The following LRRTM4 variants were observed in gnomAD, a reference collection of about 807,000 sequenced individuals.
LRRTM4 encodes the protein leucine rich repeat transmembrane neuronal 4, also known as leucine-rich repeat transmembrane neuronal protein 4.
Under a neutral mutation model 47.6 loss-of-function variants are expected in LRRTM4, and 25 were observed. The ratio of observed to expected loss-of-function variants is 0.53; its 90% CI spans 0.38 to 0.73. LRRTM4 has a LOEUF of 0.73. Ranked by LOEUF, LRRTM4 falls within the 30% of genes least tolerant of loss-of-function variation. LRRTM4 has a pLI of 0.00. For synonymous variants in LRRTM4, 311 were observed against 269.5 expected (o/e 1.15, Z -1.51); for missense variants, 638 against 713.4 (o/e 0.89, Z 1.20).
intron 3 of LRRTM4, among the ~76,000 whole-genome samples, chr2:76,982,525 C>T (rs1423205881): frequency 6.6e-6 from 1 of 151,868 alleles, no homozygotes; most frequent in Non-Finnish European, 1.5e-5. Context: ...ATCATGCCTC[C>T]CTATCAGTGA....
At chr2:76,966,194 G>A (rs1419828499) in intron 3 of LRRTM4, among the ~76,000 whole-genome samples, 1 of 151,374 alleles carries the variant, frequency 6.6e-6, no homozygotes, top group Admixed American at 6.6e-5. Flanking sequence ...ACAATGAATT[G>A]CAAACAAAAA....
At chr2:76,803,322 A>C (rs1436086498) in intron 3 of LRRTM4, among the ~76,000 whole-genome samples, 1 of 152,154 alleles carries the variant, frequency 6.6e-6, no homozygotes, top group Non-Finnish European at 1.5e-5. Context: ...AAGACAAACA[A>C]ATAGCCAATT....
At chr2:77,425,086 C>T (rs1362238281) in intron 3 of LRRTM4, among the ~76,000 whole-genome samples, 2 of 152,148 alleles carry the variant, frequency 1.3e-5, no homozygotes, top group Admixed American at 1.3e-4. Context: ...ACTACACTCA[C>T]AGAGTGAGGA....
chr2:77,081,605 G>A (rs995180191), intron 3 of LRRTM4, among the ~76,000 whole-genome samples: 1 of 151,582 alleles, frequency 6.6e-6, no homozygotes, highest in Admixed American at 6.6e-5. Context: ...GTACATAGGT[G>A]ACTTTCTTCC....
chr2:77,121,000 A>G (rs1671507556), intron 3 of LRRTM4, among the ~76,000 whole-genome samples: 1 of 151,854 alleles, frequency 6.6e-6, no homozygotes, highest in Non-Finnish European at 1.5e-5. Flanking sequence ...AGATCTACGT[A>G]TCTGTGTACG....
At chr2:76,876,294 A>G (rs1039082248) in intron 3 of LRRTM4, among the ~76,000 whole-genome samples, 13 of 152,192 alleles carry the variant, frequency 8.5e-5, no homozygotes, top group African/African-American at 2.9e-4. Flanking sequence ...ATAATAAAGT[A>G]CCAGGCATAA....
intron 3 of LRRTM4, among the ~76,000 whole-genome samples, chr2:76,962,446 C>G (rs1675891140): frequency 6.6e-6 from 1 of 150,494 alleles, no homozygotes; most frequent in African/African-American, 2.4e-5. Context: ...ATAAACGAAC[C>G]AGAGATGGAG....
chr2:77,438,365 AG>A (rs1271893582), intron 3 of LRRTM4, among the ~76,000 whole-genome samples: 3 of 150,916 alleles, frequency 2.0e-5, no homozygotes, highest in Non-Finnish European at 4.4e-5. Context: ...GGAATCTAAA[AG>A]CTACATTTTC....
chr2:77,339,199 A>T (rs2104270923), intron 3 of LRRTM4, among the ~76,000 whole-genome samples: 1 of 152,140 alleles, frequency 6.6e-6, no homozygotes, highest in African/African-American at 2.4e-5. Context: ...TCTCAGCATC[A>T]TGCAATATAC....
chr2:77,476,313 G>A (rs2861075), intron 3 of LRRTM4, among the ~76,000 whole-genome samples: 94,484 of 151,850 alleles, frequency 0.62, 29,699 homozygotes, highest in Middle Eastern at 0.72. Flanking sequence ...GTTTAAGGAT[G>A]CTATTTATTT....
In LRRTM4 at chr2:77,337,251, C is replaced by A. The variant is rs148054121; in HGVS notation, c.1551+181067G>T. On this transcript the variant is annotated intron_variant, in intron 3 of 3. Coordinates refer to ENST00000409884, the MANE Select transcript of LRRTM4 (RefSeq NM_001134745.3). ...CAAGTAAGCAGAAAATCATTTCATG[C>A]TCATTGTTTGGAAGAATCAAGGTCA... 2.5e-3 allele frequency among the ~76,000 whole-genome samples: 379 copies of A among 152,182 alleles called. 1 individual carries two copies. Among genetic ancestry groups the A allele is most frequent in the African/African-American group, 8.9e-3 (369 of 41,548 alleles).
intron 3 of LRRTM4, among the ~76,000 whole-genome samples, chr2:76,820,291 C>G (rs914055999): frequency 6.6e-6 from 1 of 151,952 alleles, no homozygotes; most frequent in South Asian, 2.1e-4. Context: ...CACCTTGGGA[C>G]TTACTTTCTT....
chr2:76,807,382 T>TTA (rs72365054), intron 3 of LRRTM4, among the ~76,000 whole-genome samples: 4,315 of 126,810 alleles, frequency 0.034, 289 homozygotes, highest in African/African-American at 0.11. Flanking sequence ...AACATTCATT[T>TTA]TATATATATA....
chr2:76,770,230 A>G lies in LRRTM4; in HGVS notation c.1552-21314T>C, dbSNP rs149290837. On this transcript the variant is annotated intron_variant, in intron 3 of 3. Coordinates refer to ENST00000409884, the MANE Select transcript of LRRTM4 (RefSeq NM_001134745.3). ...TAATATAATACATGTGAAATAGATC[A>G]TGGTTGCTATATTTTCTGCAATGTC... Among the ~76,000 whole-genome samples, 487 of 152,348 alleles carry G rather than the reference A, an allele frequency of 3.2e-3. 5 individuals are homozygous for G. Among genetic ancestry groups the G allele is most frequent in the South Asian group, 0.03 (143 of 4,820 alleles).
intron 3 of LRRTM4, among the ~76,000 whole-genome samples, chr2:76,910,559 C>T (rs1016316881): frequency 6.6e-6 from 1 of 152,124 alleles, no homozygotes; most frequent in East Asian, 1.9e-4. Context: ...ATTTGTTTCT[C>T]ATTATGTCAG....
intron 3 of LRRTM4, among the ~76,000 whole-genome samples, chr2:77,057,929 G>T (rs1349311760): frequency 1.3e-5 from 2 of 152,142 alleles, no homozygotes; most frequent in Non-Finnish European, 2.9e-5. Flanking sequence ...ATGCACGTAA[G>T]TGTATTTCAT....
chr2:76,808,126 T>C (rs1265185188), intron 3 of LRRTM4, among the ~76,000 whole-genome samples: 4 of 151,728 alleles, frequency 2.6e-5, no homozygotes, highest in African/African-American at 4.8e-5. Context: ...TTCAAGGGAT[T>C]CTCCTGCCTC....
intron 3 of LRRTM4, among the ~76,000 whole-genome samples, chr2:76,903,257 C>T (rs111692652): frequency 0.013 from 2,028 of 152,184 alleles, 47 homozygotes; most frequent in African/African-American, 0.047. Flanking sequence ...AAAACATTAG[C>T]TGGGTGTGGT....
intron 3 of LRRTM4, among the ~76,000 whole-genome samples, chr2:76,857,044 C>G (rs1038888848): frequency 1.3e-5 from 2 of 151,746 alleles, no homozygotes; most frequent in Non-Finnish European, 2.9e-5. Flanking sequence ...AAAACACATT[C>G]AAAAGTACAG....
Sources: allele counts gnomAD v4.1 joint callset (sites outside exome capture counted in the v4.1 genomes callset), GRCh38; gene constraint gnomAD v4.1.1; transcripts MANE v1.5; gene names NCBI Gene and HGNC (gene_info 2026-07-23, HGNC 2026-07-21).